The following DEPDC5 variants were observed in gnomAD, a reference collection of about 807,000 sequenced individuals.
The protein encoded by DEPDC5 is DEP domain containing 5, GATOR1 subcomplex subunit.
A neutral mutation model predicts 217.3 loss-of-function variants in DEPDC5; 73 were observed. The ratio of observed to expected loss-of-function variants is 0.34; its 90% confidence interval spans 0.28 to 0.41. The LOEUF (loss-of-function observed/expected upper bound fraction) is 0.41, where lower values mean the gene tolerates loss of function less well. Among genes scored for constraint, DEPDC5 ranks in the 10% least tolerant of loss-of-function variants. The pLI is 1.00. For synonymous variants in DEPDC5, 733 were observed against 756.7 expected (o/e 0.97, Z 0.51); for missense variants, 1,675 against 2,070.1 (o/e 0.81, Z 3.70).
intron 32 of DEPDC5, among the ~76,000 whole-genome samples, chr22:31,859,236 G>A (rs556335419): frequency 6.6e-6 from 1 of 151,240 alleles, no homozygotes; most frequent in Non-Finnish European, 1.5e-5. Context: ...GACTACAGGC[G>A]CCCGCCACCA....
intron 31 of DEPDC5, among the ~76,000 whole-genome samples, chr22:31,854,011 C>T (rs2092161769): frequency 6.6e-6 from 1 of 152,224 alleles, no homozygotes; most frequent in Non-Finnish European, 1.5e-5. Flanking sequence ...CTGTGTCTTC[C>T]TCCTGCCCAC....
chr22:31,905,633 T>G (rs2093743756), intron 41 of DEPDC5, among the ~76,000 whole-genome samples: 1 of 150,044 alleles, frequency 6.7e-6, no homozygotes, highest in Non-Finnish European at 1.5e-5. Flanking sequence ...CTGGGATGGG[T>G]AGGGAACATG....
In DEPDC5 at chr22:31,873,241, A is replaced by G. The variant is rs1452071308; in HGVS notation, c.3486-14A>G. 2 of 1,613,816 alleles carry G rather than the reference A, an allele frequency of 1.2e-6. 1 individual carries two copies. Among genetic ancestry groups the G allele is most frequent in the South Asian group, 2.2e-5 (2 of 91,056 alleles). ...TGCCATCTTGCTTTGCTGACCTGAC[A>G]CCCTGTGTTACAGCTCTCAGCAGCT... On this transcript the variant is annotated splice_polypyrimidine_tract_variant and intron_variant, in intron 34 of 42. Transcript: ENST00000651528.
chr22:31,845,350 G>A (rs1157059226), intron 30 of DEPDC5, 113 bp downstream of exon 30: 7 of 1,347,156 alleles, frequency 5.2e-6, no homozygotes, highest in Non-Finnish European at 7.1e-6. Context: ...CAGCTGCCCA[G>A]TGTTTACCTT....
chr22:31,796,486 C>G (rs773656157), intron 12 of DEPDC5, among the ~76,000 whole-genome samples: 12 of 152,138 alleles, frequency 7.9e-5, no homozygotes, highest in Non-Finnish European at 1.0e-4. Flanking sequence ...TTTCACTATT[C>G]TCAACAGTAT....
At chr22:31,783,024 G>T (rs1886486793) in intron 8 of DEPDC5, among the ~76,000 whole-genome samples, 1 of 152,184 alleles carries the variant, frequency 6.6e-6, no homozygotes, top group Non-Finnish European at 1.5e-5. Context: ...TGGACTTCCT[G>T]GGTCGAGTGG....
intron 25 of DEPDC5, among the ~76,000 whole-genome samples, chr22:31,836,092 T>C (rs894043690): frequency 2.6e-5 from 4 of 152,248 alleles, no homozygotes; most frequent in Admixed American, 2.0e-4. Flanking sequence ...GCCCTATTAT[T>C]TTAACTCAGT....
chr22:31,831,787 T>G (rs2090618378), intron 24 of DEPDC5, among the ~76,000 whole-genome samples: 1 of 152,246 alleles, frequency 6.6e-6, no homozygotes, highest in Non-Finnish European at 1.5e-5. Flanking sequence ...TAAAAATTTA[T>G]GTCCAGTAAA....
chr22:31,859,342 C>CT (rs1357092035), intron 32 of DEPDC5, among the ~76,000 whole-genome samples: 1 of 150,660 alleles, frequency 6.6e-6, no homozygotes, highest in Admixed American at 6.6e-5. Flanking sequence ...CCGCCTGCCT[C>CT]TGTCTCCCAA....
chr22:31,788,133 C>G (rs1357151430), intron 10 of DEPDC5, among the ~76,000 whole-genome samples: 3 of 151,804 alleles, frequency 2.0e-5, no homozygotes, highest in African/African-American at 7.3e-5. Context: ...GGACTTGAAT[C>G]AACATTTCTC....
intron 7 of DEPDC5, among the ~76,000 whole-genome samples, chr22:31,772,538 C>G (rs1198629571): frequency 6.6e-6 from 1 of 152,036 alleles, no homozygotes; most frequent in Admixed American, 6.6e-5. Context: ...TGTCAAGGAC[C>G]AGTTAATAAA....
At chr22:31,848,401 T>C (rs537349537) in intron 31 of DEPDC5, among the ~76,000 whole-genome samples, 1 of 152,158 alleles carries the variant, frequency 6.6e-6, no homozygotes, top group Non-Finnish European at 1.5e-5. Context: ...TCCCCTGAAA[T>C]CTAGGCAGAG....
At chr22:31,804,943 T>TA in intron 17 of DEPDC5, 28 bp downstream of exon 17, 1 of 1,596,736 alleles carries the variant, frequency 6.3e-7, no homozygotes, top group Non-Finnish European at 8.6e-7. Flanking sequence ...CAATAGTAGG[T>TA]GATAAGCGTT....
At chr22:31,841,364 G>C (rs2091382606) in intron 27 of DEPDC5, among the ~76,000 whole-genome samples, 1 of 152,220 alleles carries the variant, frequency 6.6e-6, no homozygotes, top group Admixed American at 6.5e-5. Flanking sequence ...TCTCAGAGCT[G>C]AATGAGTGTT....
chr22:31,795,206 A>G (rs2086108025), intron 12 of DEPDC5, among the ~76,000 whole-genome samples: 1 of 147,502 alleles, frequency 6.8e-6, no homozygotes, highest in Admixed American at 6.9e-5. Context: ...AGTAGCTGGG[A>G]TTGCAGGCAT....
chr22:31,783,862 C>T, intron 8 of DEPDC5, 45 bp from the exon 9 acceptor site: 2 of 1,539,142 alleles, frequency 1.3e-6, no homozygotes, highest in Non-Finnish European at 1.8e-6. Context: ...AGAACTGAAA[C>T]TGTATATGGC....
intron 5 of DEPDC5, among the ~76,000 whole-genome samples, chr22:31,766,275 G>T (rs1260000126): frequency 6.6e-6 from 1 of 152,146 alleles, no homozygotes; most frequent in African/African-American, 2.4e-5. Flanking sequence ...CATTAATAGG[G>T]AAATAAAGTA....
chr22:31,811,208 T>A (rs367926936), intron 20 of DEPDC5, among the ~76,000 whole-genome samples: 13 of 152,154 alleles, frequency 8.5e-5, no homozygotes, highest in Admixed American at 4.6e-4. Flanking sequence ...TAGCTGGGAT[T>A]AAAGGCACGT....
Position 31,839,506 on chromosome 22 carries a change from A to G in DEPDC5, c.2515+661A>G, listed in dbSNP as rs1277535720. ...TGTCTTAGTCTCCTGTCTCTTCATT[A>G]TTGCTAACAAGACCCCCCCTCCCCT... On this transcript the variant is annotated intron_variant, in intron 27 of 42. Coordinates refer to ENST00000651528, the MANE Select transcript of DEPDC5 (RefSeq NM_001242896.3). 4.0e-5 allele frequency among the ~76,000 whole-genome samples: 5 copies of G among 126,368 alleles called. No homozygotes were observed. The East Asian group carries it at 1.2e-3, about 29-fold the overall frequency. The allele number at this position is 126,368 out of a possible 152,430, so 82.9% of individuals were successfully genotyped here.
Sources: gnomAD v4.1 joint callset for allele counts (sites outside exome capture counted in the v4.1 genomes callset) on GRCh38, gnomAD v4.1.1 for gene constraint, MANE v1.5 for transcripts, NCBI Gene and HGNC (gene_info 2026-07-23, HGNC 2026-07-21) for gene names.